Variants in STPG2 observed in about 807,000 individuals in gnomAD.
STPG2 encodes sperm tail PG-rich repeat containing 2, also known as sperm-tail PG-rich repeat-containing protein 2.
In STPG2, 56 loss-of-function variants were observed where a neutral mutation model predicts 54.2. That is an observed-to-expected ratio of 1.03 (90% CI 0.83 to 1.29). The LOEUF is 1.29. STPG2 is among the 50% of genes most tolerant of loss of function. The pLI, the probability that STPG2 is intolerant of heterozygous loss-of-function variation, is 0.00. For missense variants in STPG2, 596 were observed against 544.9 expected, an observed-to-expected ratio of 1.09 and a Z score of -0.93; for synonymous variants, 200 against 181.8, an observed-to-expected ratio of 1.10 and a Z score of -0.81.
At chr4:97,849,598 A>C (rs1729084952) in intron 8 of STPG2, among the ~76,000 whole-genome samples, 1 of 152,210 alleles carries the variant, frequency 6.6e-6, no homozygotes, top group Admixed American at 6.5e-5. Context: ...ACCCCATCAA[A>C]AAGTGGGCAA....
chr4:97,632,791 T>C (rs1171787769), intron 10 of STPG2, among the ~76,000 whole-genome samples: 2 of 152,136 alleles, frequency 1.3e-5, no homozygotes, highest in African/African-American at 2.4e-5. Flanking sequence ...ATCAATAATA[T>C]GGTGCTAAAA....
At chr4:97,515,399 T>C (rs1731055004) in intron 4 of STPG2, among the ~76,000 whole-genome samples, 1 of 152,080 alleles carries the variant, frequency 6.6e-6, no homozygotes. Context: ...AAAGACCACA[T>C]ATCAAGTAAA....
At chr4:98,034,072 A>G (rs1370400625) in intron 5 of STPG2, among the ~76,000 whole-genome samples, 1 of 152,200 alleles carries the variant, frequency 6.6e-6, no homozygotes, top group African/African-American at 2.4e-5. Context: ...CACCACTCCT[A>G]TTCAACATAG....
chr4:97,903,529 T>A (rs375826393), intron 8 of STPG2, among the ~76,000 whole-genome samples: 7 of 150,940 alleles, frequency 4.6e-5, no homozygotes, highest in Non-Finnish European at 7.4e-5. Context: ...GAATCAAAAA[T>A]AAAGCCACAA....
At chr4:97,823,553 C>T (rs904291558) in intron 9 of STPG2, among the ~76,000 whole-genome samples, 1 of 152,090 alleles carries the variant, frequency 6.6e-6, no homozygotes, top group African/African-American at 2.4e-5. Flanking sequence ...ATTCTTTATT[C>T]CTTTAGTTTC....
At chr4:97,455,518 T>C (rs1729492805) in intron 4 of STPG2, among the ~76,000 whole-genome samples, 1 of 152,034 alleles carries the variant, frequency 6.6e-6, no homozygotes, top group Non-Finnish European at 1.5e-5. Context: ...TTTGCCAGGG[T>C]GGTCAGAGGA....
At chr4:97,576,377 T>C (rs1223855510) in intron 10 of STPG2, among the ~76,000 whole-genome samples, 1 of 151,264 alleles carries the variant, frequency 6.6e-6, no homozygotes, top group East Asian at 1.9e-4. Flanking sequence ...ACTACGAGGC[T>C]ATGGTAACCA....
chr4:98,023,603 TTTTG>T (rs1560642025), intron 5 of STPG2, among the ~76,000 whole-genome samples: 1 of 152,106 alleles, frequency 6.6e-6, no homozygotes, highest in East Asian at 1.9e-4. Flanking sequence ...ACTGCTGTCT[TTTTG>T]TTTGTCTGTG....
intron 8 of STPG2, among the ~76,000 whole-genome samples, chr4:97,903,767 C>T (rs1379577902): frequency 6.6e-6 from 1 of 152,230 alleles, no homozygotes; most frequent in Non-Finnish European, 1.5e-5. Context: ...CGAAGCAGGG[C>T]GAGACATTGC....
At chr4:98,027,001 C>T (rs956199860) in intron 5 of STPG2, among the ~76,000 whole-genome samples, 4 of 152,156 alleles carry the variant, frequency 2.6e-5, no homozygotes, top group East Asian at 1.9e-4. Flanking sequence ...ACACAAGGAA[C>T]ATTCACCAGG....
intron 4 of STPG2, among the ~76,000 whole-genome samples, chr4:98,107,101 G>A (rs772895176): frequency 1.2e-4 from 19 of 152,034 alleles, no homozygotes; most frequent in African/African-American, 2.9e-4. Flanking sequence ...CAAATAAACC[G>A]CTTTCAAACC....
chr4:97,482,547 G>A (rs34662440), intron 4 of STPG2, among the ~76,000 whole-genome samples: 2,990 of 151,650 alleles, frequency 0.02, 45 homozygotes, highest in Non-Finnish European at 0.031. Flanking sequence ...AAGCCTCCAA[G>A]AAGTCTGGGA....
chr4:97,803,249 T>A (rs1278025514), intron 9 of STPG2, among the ~76,000 whole-genome samples: 3 of 152,184 alleles, frequency 2.0e-5, no homozygotes, highest in Non-Finnish European at 4.4e-5. Flanking sequence ...GAAGTTTGTT[T>A]CAAATTCTCT....
At chr4:97,536,229 T>C (rs902598419) in intron 4 of STPG2, among the ~76,000 whole-genome samples, 2 of 152,214 alleles carry the variant, frequency 1.3e-5, no homozygotes, top group Non-Finnish European at 2.9e-5. Context: ...CTTGAGTTCA[T>C]TGATCTATGG....
chr4:97,863,615 C>T lies in STPG2; in HGVS notation c.1045-22683G>A, dbSNP rs183228129. 5.0e-3 allele frequency among the ~76,000 whole-genome samples: 762 copies of T among 152,036 alleles called. 5 individuals are homozygous for T. The highest frequency in any genetic ancestry group is 0.024 in the South Asian group (117 of 4,806). On this transcript the variant is annotated intron_variant, in intron 8 of 10. Transcript: ENST00000295268. Reference sequence around the variant, plus strand: ...TCATTTTATGAGGCCAGCATCATCCCGACACCAAAGCCTGGCAGAGACACA... The same window carrying T: ...TCATTTTATGAGGCCAGCATCATCCTGACACCAAAGCCTGGCAGAGACACA...
intron 9 of STPG2, among the ~76,000 whole-genome samples, chr4:97,834,086 T>A (rs1001703952): frequency 2.0e-5 from 3 of 152,190 alleles, no homozygotes; most frequent in Middle Eastern, 6.8e-3. Context: ...CTCTTCACAA[T>A]AGCAAAGACT....
chr4:98,130,823 G>A (rs1338725114), intron 2 of STPG2, among the ~76,000 whole-genome samples: 2 of 150,314 alleles, frequency 1.3e-5, no homozygotes, highest in Admixed American at 1.3e-4. Flanking sequence ...TCAAGAAGCT[G>A]TGGCAGGAGA....
At chr4:97,897,010 T>C (rs778803998) in intron 8 of STPG2, among the ~76,000 whole-genome samples, 1 of 151,888 alleles carries the variant, frequency 6.6e-6, no homozygotes, top group African/African-American at 2.4e-5. Flanking sequence ...CACCCAGGTA[T>C]TAAGCCTAGT....
At chr4:97,634,884 G>T (rs1418005422) in intron 10 of STPG2, among the ~76,000 whole-genome samples, 1 of 151,864 alleles carries the variant, frequency 6.6e-6, no homozygotes, top group Non-Finnish European at 1.5e-5. Flanking sequence ...TGAAAGTGAT[G>T]GGGAGAATGG....
Sources: gnomAD v4.1 joint callset for allele counts (sites outside exome capture counted in the v4.1 genomes callset) on GRCh38, gnomAD v4.1.1 for gene constraint, MANE v1.5 for transcripts, NCBI Gene and HGNC (gene_info 2026-07-23, HGNC 2026-07-21) for gene names.